FAM178B: variants seen among roughly 807,000 people sequenced by gnomAD.
FAM178B encodes family with sequence similarity 178 member B.
A neutral mutation model predicts 91.7 loss-of-function variants in FAM178B; 82 were observed. The ratio of observed to expected loss-of-function variants is 0.89; its 90% CI spans 0.75 to 1.07. The LOEUF is 1.07. Among genes scored for constraint, FAM178B ranks in the 50% least tolerant of loss-of-function variants. The pLI, the probability that FAM178B is intolerant of heterozygous loss-of-function variation, is 0.00. For synonymous variants in FAM178B, 368 were observed against 359.4 expected (o/e 1.02, Z -0.27); for missense variants, 769 against 846.7 (o/e 0.91, Z 1.14).
chr2:96,910,504 C>A (rs2081134180), intron 12 of FAM178B, among the ~76,000 whole-genome samples: 1 of 152,228 alleles, frequency 6.6e-6, no homozygotes, highest in African/African-American at 2.4e-5. Context: ...TGCATCAGGG[C>A]TAACGTTTTA....
intron 10 of FAM178B, among the ~76,000 whole-genome samples, 162 bp downstream of exon 10, chr2:96,923,328 C>T (rs570528290): frequency 1.5e-4 from 23 of 152,312 alleles, no homozygotes; most frequent in Admixed American, 6.5e-4. Context: ...GACCCGTGTC[C>T]GATAACACAG....
chr2:96,887,482 T>C (rs190758090), intron 14 of FAM178B, among the ~76,000 whole-genome samples: 1 of 152,302 alleles, frequency 6.6e-6, no homozygotes, highest in African/African-American at 2.4e-5. Context: ...AAGCCACGGG[T>C]TGAGCCATGC....
chr2:96,967,476 A>C, intron 5 of FAM178B, 44 bp downstream of exon 5: 1 of 1,283,882 alleles, frequency 7.8e-7, no homozygotes, highest in Non-Finnish European at 1.1e-6. Context: ...TTGGCACCTC[A>C]GTCTTTCCCC....
rs1286501254 is a variant in FAM178B, at chr2:96,895,682, G to A, written c.1651-1631C>T. Reference sequence around the variant, plus strand: ...GGGGCAGGGCGGGGAGTAAGTGGGAGCAGATCCAGGGTAGTTCACAAAAGC... The same window carrying A: ...GGGGCAGGGCGGGGAGTAAGTGGGAACAGATCCAGGGTAGTTCACAAAAGC... On this transcript the variant is annotated intron_variant, in intron 13 of 16. Coordinates refer to ENST00000490605, the MANE Select transcript of FAM178B (RefSeq NM_001122646.3). 2.6e-5 allele frequency among the ~76,000 whole-genome samples: 4 copies of A among 152,250 alleles called. 1 individual carries two copies. Among genetic ancestry groups the A allele is most frequent in the Admixed American group, 2.0e-4 (3 of 15,288 alleles).
At chr2:96,947,099 T>C (rs1441721133) in intron 8 of FAM178B, among the ~76,000 whole-genome samples, 1 of 152,168 alleles carries the variant, frequency 6.6e-6, no homozygotes. Context: ...CCTCTTACTG[T>C]CTGCTTAAGC....
At chr2:96,895,276 T>A in intron 13 of FAM178B, 3 of 401,732 alleles carry the variant, frequency 7.5e-6, no homozygotes, top group Non-Finnish European at 1.4e-5. Context: ...GACTTCCTTA[T>A]CATCATCCAA....
intron 1 of FAM178B, 75 bp downstream of exon 1, chr2:96,986,166 G>C (rs1329115483): frequency 6.5e-7 from 1 of 1,529,108 alleles, no homozygotes; most frequent in Non-Finnish European, 8.7e-7. Flanking sequence ...GACCAGCCAG[G>C]AGTCCCAGGG....
Position 96,928,866 on chromosome 2 carries a change from G to A in FAM178B, c.1193+340C>T, listed in dbSNP as rs532978003. Reference sequence around the variant, plus strand: ...CTTCCAAACAAACAAGAGAACAGGTGGCTGGGCATGGGGTGGCTCATACCT... The same window carrying A: ...CTTCCAAACAAACAAGAGAACAGGTAGCTGGGCATGGGGTGGCTCATACCT... On this transcript the variant is annotated intron_variant, in intron 9 of 16. Coordinates refer to ENST00000490605, the MANE Select transcript of FAM178B (RefSeq NM_001122646.3). Among the ~76,000 whole-genome samples the A allele has an allele frequency of 2.2e-4, 33 of 152,304 alleles. No individual in the cohort carries two copies. In the South Asian group the frequency reaches 6.6e-3, roughly 31 times the overall value.
intron 5 of FAM178B, among the ~76,000 whole-genome samples, chr2:96,964,164 C>T (rs916380075): frequency 2.0e-5 from 3 of 151,384 alleles, no homozygotes; most frequent in African/African-American, 7.3e-5. Context: ...AGTGAGACTC[C>T]ATCTTGGGGG....
At chr2:96,971,810 G>C in intron 3 of FAM178B, 91 bp downstream of exon 3, 1 of 1,220,486 alleles carries the variant, frequency 8.2e-7, no homozygotes, top group South Asian at 1.8e-5. Flanking sequence ...GCTGGGGCGT[G>C]GCTCAGGAGA....
At chr2:96,929,775 G>A (rs1005233513) in intron 8 of FAM178B, among the ~76,000 whole-genome samples, 1 of 152,234 alleles carries the variant, frequency 6.6e-6, no homozygotes, top group Non-Finnish European at 1.5e-5. Context: ...TCTTGCTGCT[G>A]CAACATTTGG....
intron 1 of FAM178B, chr2:96,977,784 G>A (rs531735428): frequency 2.2e-6 from 1 of 455,868 alleles, no homozygotes; most frequent in Non-Finnish European, 4.4e-6. Context: ...TCCTAACAAT[G>A]TAAGAGCCCA....
At chr2:96,972,725 G>A in intron 1 of FAM178B, 119 bp from the exon 2 acceptor site, 1 of 824,302 alleles carries the variant, frequency 1.2e-6, no homozygotes, top group Non-Finnish European at 1.9e-6. Flanking sequence ...TCCGCCCTGA[G>A]GACTGGCCTT....
At chr2:96,924,329 G>A (rs2081398027) in intron 9 of FAM178B, among the ~76,000 whole-genome samples, 1 of 152,200 alleles carries the variant, frequency 6.6e-6, no homozygotes, top group Non-Finnish European at 1.5e-5. Context: ...GCAAGTATGG[G>A]GGAAATCAGA....
Position 96,972,591 on chromosome 2 carries a change from C to T in FAM178B, c.89G>A (p.Gly30Asp), listed in dbSNP as rs550036515. The T allele has an allele frequency of 2.9e-4, 456 of 1,551,610 alleles. No homozygotes were observed. The highest frequency in any genetic ancestry group is 3.7e-4 in the Admixed American group (19 of 51,018). Reference protein sequence around the residue: ...RLHFTGQMSHGLQMAGPQETV... With the variant: ...RLHFTGQMSHDLQMAGPQETV... ...CTCCTGGGGCCCAGCCATCTGCAAGCCGTGGGACATCTGTCCTGGAAGGAA... is the reference window on the plus strand; with the variant it reads ...CTCCTGGGGCCCAGCCATCTGCAAGTCGTGGGACATCTGTCCTGGAAGGAA... Residue 30 changes from glycine to aspartate, a missense_variant, in exon 2 of 17, where the codon GGC becomes GAC. Transcript: ENST00000490605.
Position 96,921,619 on chromosome 2 carries a change from G to T in FAM178B, c.1323C>A (p.Ala441=). The part of the protein sequence containing the change: ...LALCAQAQPG[A]YTDENLMGLI... ...GTCCCATGAGGTTCTCATCAGTGTA[G>T]GCCCCCGGCTGGGCCTGGGCACACA... The change falls in exon 11 of 17, where the codon GCC becomes GCA. Residue 441 remains alanine, a synonymous_variant. Coordinates refer to ENST00000490605, the MANE Select transcript of FAM178B (RefSeq NM_001122646.3). The T allele has an allele frequency of 6.4e-7, 1 of 1,551,632 alleles. No homozygotes were observed. The highest frequency in any genetic ancestry group is 8.7e-7 in the Non-Finnish European group (1 of 1,146,994).
chr2:96,919,956 C>T (rs879886397), intron 12 of FAM178B, among the ~76,000 whole-genome samples: 4 of 152,100 alleles, frequency 2.6e-5, no homozygotes, highest in African/African-American at 7.2e-5. Flanking sequence ...GGGTGTGAGG[C>T]GATTCAAACT....
At chr2:96,910,783 C>T (rs914638682) in intron 12 of FAM178B, among the ~76,000 whole-genome samples, 1 of 151,440 alleles carries the variant, frequency 6.6e-6, no homozygotes, top group Non-Finnish European at 1.5e-5. Context: ...CCACCTGAGA[C>T]ATCTCTCTTC....
At chr2:96,918,377 A>G (rs1392044332) in intron 12 of FAM178B, among the ~76,000 whole-genome samples, 1 of 152,232 alleles carries the variant, frequency 6.6e-6, no homozygotes, top group Non-Finnish European at 1.5e-5. Context: ...AGTAAGAGAA[A>G]CACAAAAGGC....
Sources: gnomAD v4.1 joint callset for allele counts (sites outside exome capture counted in the v4.1 genomes callset) on GRCh38, gnomAD v4.1.1 for gene constraint, MANE v1.5 for transcripts, NCBI Gene and HGNC (gene_info 2026-07-23, HGNC 2026-07-21) for gene names.